The following ZBTB25 variants were observed in gnomAD, a reference collection of about 807,000 sequenced individuals.
ZBTB25 encodes the protein zinc finger and BTB domain containing 25.
Under a neutral mutation model 34.2 loss-of-function variants are expected in ZBTB25, and 20 were observed. The ratio of observed to expected loss-of-function variants is 0.58; its 90% CI spans 0.41 to 0.85. The LOEUF (loss-of-function observed/expected upper bound fraction) is 0.85, where lower values mean the gene tolerates loss of function less well. ZBTB25 is among the 40% of genes least tolerant of loss of function. ZBTB25 has a pLI of 0.00. For missense variants in ZBTB25, 437 were observed against 521.8 expected, an observed-to-expected ratio of 0.84 and a Z score of 1.58; for synonymous variants, 175 against 186.4, an observed-to-expected ratio of 0.94 and a Z score of 0.50.
rs1471737254 is a variant in ZBTB25, at chr14:64,486,129, C to T, written c.*794G>A. 2 of 694,336 alleles carry T rather than the reference C, an allele frequency of 2.9e-6. No individual in the cohort carries two copies. Among genetic ancestry groups the T allele is most frequent in the Non-Finnish European group, 1.8e-6 (1 of 564,904 alleles). 43.0% of individuals were successfully genotyped at this position (694,336 alleles called of 1,614,324 possible). A position where few individuals can be genotyped will look rare whatever the true frequency, so the allele number is the denominator to read the frequency against. On this transcript the variant is annotated 3_prime_UTR_variant, in exon 3 of 3. Transcript: ENST00000608382. ...CCTGGCTAACACGGTGAAACCCCGT[C>T]TCTACTAAAAAAATACAAAAAAATT... is the stretch of plus-strand genomic sequence containing the variant.
chr14:64,471,225 T>C (rs2078667287), intron 2 of ZBTB25: 1 of 155,716 alleles, frequency 6.4e-6, no homozygotes, highest in African/African-American at 2.4e-5. Context: ...CGATCTTGGC[T>C]CACTGCAAGC....
At position 64,490,481 on chromosome 14, in the gene ZBTB25, C is replaced by T. The variant is rs769958648; in HGVS notation, c.53G>A (p.Arg18Gln). ...GCAATCACACAGAAAACCAAATTCT[C>T]GCTGCATGTTCAGCTGCTGGAGAAG... Reference protein sequence around the residue: ...LVLLQQLNMQREFGFLCDCTV... With the variant: ...LVLLQQLNMQQEFGFLCDCTV... Residue 18 changes from arginine (R) to glutamine (Q), a missense_variant, in exon 2 of 3, where the codon CGA (arginine) becomes CAA (glutamine). Physicochemically the swap from Arg to Gln is conservative, Grantham distance 43. Transcript: ENST00000608382. 1.4e-5 allele frequency: 23 copies of T among 1,613,750 alleles called. No individual in the cohort carries two copies. The highest frequency in any genetic ancestry group is 1.3e-4 in the East Asian group (6 of 44,880).
In ZBTB25 at chr14:64,491,454, ACT is replaced by A. The variant is rs149592293; in HGVS notation, c.-7-916_-7-915del. ...GCACTCCAGCCTGGGCAACAGTGAG[ACT>A]CTGTCTCAAAAACACACACACACAC... On this transcript the variant is annotated intron_variant, in intron 1 of 2. Coordinates refer to ENST00000608382, the MANE Select transcript of ZBTB25 (RefSeq NM_006977.5). Among the ~76,000 whole-genome samples the A allele has an allele frequency of 7.5e-3, 1,146 of 152,084 alleles. 7 individuals carry two copies. The highest frequency in any genetic ancestry group is 0.027 in the African/African-American group (1,107 of 41,444).
intron 2 of ZBTB25, chr14:64,458,590 C>T: frequency 8.7e-6 from 4 of 461,908 alleles, no homozygotes; most frequent in South Asian, 8.4e-5. Flanking sequence ...GAGGAAACTA[C>T]AGGAGAGGTT....
intron 1 of ZBTB25, among the ~76,000 whole-genome samples, chr14:64,496,171 C>G (rs2079268154): frequency 6.6e-6 from 1 of 152,036 alleles, no homozygotes; most frequent in Non-Finnish European, 1.5e-5. Flanking sequence ...GCTGTGGTCT[C>G]AAGATCCACT....
intron 1 of ZBTB25, chr14:64,499,693 A>G (rs1001246230): frequency 6.6e-5 from 10 of 152,386 alleles, no homozygotes; most frequent in African/African-American, 2.2e-4. Context: ...AGGAAAAAGA[A>G]ATATTTACTC....
intron 2 of ZBTB25, chr14:64,468,929 A>C (rs1345883497): frequency 6.2e-7 from 1 of 1,614,230 alleles, no homozygotes; most frequent in East Asian, 2.2e-5. Context: ...GGCTAAGTCA[A>C]CCCAGGATCT....
chr14:64,472,492 T>C (rs187972916), intron 2 of ZBTB25: 1 of 167,064 alleles, frequency 6.0e-6, no homozygotes, highest in Admixed American at 6.5e-5. Context: ...TTTACTTTTT[T>C]CACTGTGGTT....
In ZBTB25 at chr14:64,486,857, T is replaced by C; in HGVS notation, c.*66A>G. 2 of 1,501,274 alleles carry C rather than the reference T, an allele frequency of 1.3e-6. No individual in the cohort carries two copies. Among genetic ancestry groups the C allele is most frequent in the Non-Finnish European group, 1.8e-6 (2 of 1,128,910 alleles). The allele number at this position is 1,501,274 out of a possible 1,614,324, so 93.0% of individuals were successfully genotyped here. ...GAAACTTGAGGAGGAAAATAATTTA[T>C]GAATTAAAAATGCCACGCAAATTTT... On this transcript the variant is annotated 3_prime_UTR_variant, in exon 3 of 3. Transcript: ENST00000608382.
rs946751952 is a variant in ZBTB25 at position 64,497,124 on chromosome 14, T to C, written c.-8+6537A>G. On this transcript the variant is annotated intron_variant, in intron 1 of 2. Transcript: ENST00000608382. ...AAATATGTTGAATCAAATAAGGGAG[T>C]AAACTTTTCAAGTGTATAAAATGAA... 7.9e-5 allele frequency among the ~76,000 whole-genome samples: 12 copies of C among 151,860 alleles called. No individual in the cohort carries two copies. The South Asian group carries it at 2.3e-3, about 29-fold the overall frequency.
chr14:64,490,157 G>A lies in ZBTB25; in HGVS notation c.173+204C>T, dbSNP rs1210474778. Among the ~76,000 whole-genome samples, 5 of 129,676 alleles carry A rather than the reference G, an allele frequency of 3.9e-5. No individual in the cohort carries two copies. The South Asian group carries it at 7.4e-4, about 19-fold the overall frequency. 85.1% of individuals were successfully genotyped at this position (129,676 alleles called of 152,430 possible). On this transcript the variant is annotated intron_variant, in intron 2 of 2. Transcript: ENST00000608382. ...TGGGAGGCAGAGGTTGCAGTGAGCCGACACTGAACCATTGCACTCCAGCCT... is the reference window on the plus strand; with the variant it reads ...TGGGAGGCAGAGGTTGCAGTGAGCCAACACTGAACCATTGCACTCCAGCCT...
Position 64,481,286 on chromosome 14 carries a change from T to G in ZBTB25, c.*5637A>C, listed in dbSNP as rs1442794459. 1 of 150,826 alleles carries G rather than the reference T, an allele frequency of 6.6e-6. No homozygotes were observed. The highest frequency in any genetic ancestry group is 1.5e-5 in the Non-Finnish European group (1 of 67,668). 9.3% of individuals were successfully genotyped at this position (150,826 alleles called of 1,614,324 possible). ...ATTGCCCAGGCTGGTCTCGGACTCC[T>G]GGGCCTTGGCCTCCCAAAGTGCTGG... On this transcript the variant is annotated 3_prime_UTR_variant, in exon 3 of 3. Transcript: ENST00000608382.
intron 1 of ZBTB25, among the ~76,000 whole-genome samples, chr14:64,501,609 A>C (rs187891742): frequency 5.3e-5 from 8 of 152,340 alleles, no homozygotes; most frequent in African/African-American, 1.9e-4. Context: ...AATAATATAA[A>C]ACCCCCAACT....
At position 64,502,802 on chromosome 14, in the gene ZBTB25, G is replaced by T. The variant is rs975031074; in HGVS notation, c.-8+859C>A. The T allele has an allele frequency of 1.4e-5, 13 of 959,808 alleles. No individual in the cohort carries two copies. The African/African-American group carries it at 2.1e-4, about 16-fold the overall frequency. The allele number at this position is 959,808 out of a possible 1,614,324, so 59.5% of individuals were successfully genotyped here. On this transcript the variant is annotated intron_variant, in intron 1 of 2. Coordinates refer to ENST00000608382, the MANE Select transcript of ZBTB25 (RefSeq NM_006977.5). ...GCTCCAGCTACATCACGCTCTTCAG[G>T]CCTGGTGTCTTCTCTGTAAAACGAG...
intron 1 of ZBTB25, among the ~76,000 whole-genome samples, chr14:64,497,674 G>A (rs2079325306): frequency 6.6e-6 from 1 of 152,058 alleles, no homozygotes; most frequent in African/African-American, 2.4e-5. Flanking sequence ...AAATTAAGAT[G>A]GAACAACTTT....
chr14:64,503,867 G>GCGTGCGTGCGTA (rs940832214), upstream of ZBTB25: 77 of 152,760 alleles, frequency 5.0e-4, 2 homozygotes, highest in Admixed American at 4.8e-3. Context: ...GTGCGTGCGT[G>GCGTGCGTGCGTA]CGTGCGTGCG....
downstream of ZBTB25, among the ~76,000 whole-genome samples, chr14:64,477,745 A>ATGGTT (rs2078732915): frequency 6.6e-6 from 1 of 152,218 alleles, no homozygotes; most frequent in Non-Finnish European, 1.5e-5. Context: ...TTACCTGCAT[A>ATGGTT]TGGTTTGGAC....
rs561639832 is a variant in ZBTB25, at chr14:64,481,511, C to T, written c.*5412G>A. ...TTTTTATTGAACAAGTTTTTATAATCTAAGTTTATTTTAAAGTATAAGTTT... is the reference window on the plus strand; with the variant it reads ...TTTTTATTGAACAAGTTTTTATAATTTAAGTTTATTTTAAAGTATAAGTTT... On this transcript the variant is annotated 3_prime_UTR_variant, in exon 3 of 3. Transcript: ENST00000608382. 2 of 152,132 alleles carry T rather than the reference C, an allele frequency of 1.3e-5. No individual in the cohort carries two copies. The highest frequency in any genetic ancestry group is 2.9e-5 in the Non-Finnish European group (2 of 68,028). The allele number at this position is 152,132 out of a possible 1,614,324, so 9.4% of individuals were successfully genotyped here.
rs990043169 is a variant in ZBTB25, at chr14:64,481,278, C to G, written c.*5645G>C. The G allele has an allele frequency of 6.6e-6, 1 of 151,138 alleles. No individual in the cohort carries two copies. The highest frequency in any genetic ancestry group is 2.1e-4 in the South Asian group (1 of 4,742). The allele number at this position is 151,138 out of a possible 1,614,324, so 9.4% of individuals were successfully genotyped here. ...CTCACTATATTGCCCAGGCTGGTCT[C>G]GGACTCCTGGGCCTTGGCCTCCCAA... On this transcript the variant is annotated 3_prime_UTR_variant, in exon 3 of 3. Transcript: ENST00000608382.
Sources: gnomAD v4.1 joint callset for allele counts (sites outside exome capture counted in the v4.1 genomes callset) on GRCh38, gnomAD v4.1.1 for gene constraint, MANE v1.5 for transcripts, NCBI Gene and HGNC (gene_info 2026-07-23, HGNC 2026-07-21) for gene names.